Variants in PPP1R12B observed in about 807,000 individuals in gnomAD.
The protein encoded by PPP1R12B is protein phosphatase 1 regulatory subunit 12B, also known as myosin phosphatase target subunit 2.
Under a neutral mutation model 126.1 loss-of-function variants are expected in PPP1R12B, and 76 were observed. The observed-to-expected ratio is 0.60, with a 90% confidence interval of 0.50 to 0.73. The LOEUF (loss-of-function observed/expected upper bound fraction) is 0.73. Among genes scored for constraint, PPP1R12B ranks in the 30% least tolerant of loss-of-function variants. The probability of loss-of-function intolerance (pLI) is 0.00; values close to 1 mark genes in which losing one functional copy is unlikely to be tolerated. For synonymous variants in PPP1R12B, 356 were observed against 434.7 expected (o/e 0.82, Z 2.25); for missense variants, 1,052 against 1,205.1 (o/e 0.87, Z 1.88).
intron 18 of PPP1R12B, among the ~76,000 whole-genome samples, chr1:202,553,364 C>T (rs1343635472): frequency 6.6e-6 from 1 of 152,140 alleles, no homozygotes; most frequent in Non-Finnish European, 1.5e-5. Context: ...TAGAGAGTCT[C>T]ATTTTAGTGG....
chr1:202,486,790 G>A (rs1262674073), intron 13 of PPP1R12B, among the ~76,000 whole-genome samples: 2 of 152,184 alleles, frequency 1.3e-5, no homozygotes, highest in African/African-American at 2.4e-5. Context: ...CATGGGCAAC[G>A]AAGTAAGACT....
intron 13 of PPP1R12B, among the ~76,000 whole-genome samples, chr1:202,464,823 G>A (rs1674775034): frequency 6.6e-6 from 1 of 152,180 alleles, no homozygotes. Context: ...ACATGCCCAA[G>A]TGCTCTCATG....
chr1:202,500,206 T>A (rs1173548613), intron 18 of PPP1R12B, among the ~76,000 whole-genome samples: 1 of 145,048 alleles, frequency 6.9e-6, no homozygotes, highest in Non-Finnish European at 1.5e-5. Flanking sequence ...GCTCTCGCTG[T>A]CTCTCTCTCT....
chr1:202,384,657 A>G (rs1018121435), intron 1 of PPP1R12B, among the ~76,000 whole-genome samples: 1 of 152,254 alleles, frequency 6.6e-6, no homozygotes, highest in Non-Finnish European at 1.5e-5. Context: ...CTATGAATGT[A>G]TTAAAAACCA....
intron 2 of PPP1R12B, among the ~76,000 whole-genome samples, chr1:202,418,387 G>A (rs1021259666): frequency 2.0e-5 from 3 of 151,946 alleles, no homozygotes; most frequent in East Asian, 1.9e-4. Context: ...CTTTTCTAAG[G>A]AGAGCTCATG....
At chr1:202,558,846 T>C (rs777132720) in intron 18 of PPP1R12B, 31 bp from the exon 19 acceptor site, 1 of 1,421,108 alleles carries the variant, frequency 7.0e-7, no homozygotes, top group East Asian at 2.3e-5. Flanking sequence ...TTTTTTCTTT[T>C]TTTGTTTTTG....
intron 18 of PPP1R12B, among the ~76,000 whole-genome samples, chr1:202,517,527 T>A (rs983003100): frequency 2.0e-5 from 3 of 152,184 alleles, no homozygotes; most frequent in African/African-American, 7.2e-5. Flanking sequence ...ATTTAGATAG[T>A]GATTATTAGA....
chr1:202,506,439 T>C (rs1375785494), intron 18 of PPP1R12B, among the ~76,000 whole-genome samples: 2 of 152,224 alleles, frequency 1.3e-5, no homozygotes, highest in Non-Finnish European at 2.9e-5. Flanking sequence ...ATGTATTCCT[T>C]TGAGACCCTG....
intron 5 of PPP1R12B, 139 bp from the exon 6 acceptor site, chr1:202,428,716 T>C: frequency 5.9e-6 from 4 of 674,450 alleles, no homozygotes; most frequent in South Asian, 3.7e-5. Context: ...GTTATCATAA[T>C]GTATGGTAGA....
intron 4 of PPP1R12B, 98 bp from the exon 5 acceptor site, chr1:202,426,942 C>T: frequency 1.3e-6 from 2 of 1,502,040 alleles, no homozygotes; most frequent in Non-Finnish European, 8.9e-7. Flanking sequence ...CCCTGTGGTT[C>T]AGGGCCAAAA....
Position 202,373,008 on chromosome 1 carries a change from C to T in PPP1R12B, c.291+23866C>T, listed in dbSNP as rs117138197. Among the ~76,000 whole-genome samples, 32 of 151,910 alleles carry T rather than the reference C, an allele frequency of 2.1e-4. No individual in the cohort carries two copies. The East Asian group carries it at 5.8e-3, about 28-fold the overall frequency. On this transcript the variant is annotated intron_variant, in intron 1 of 23. Transcript: ENST00000608999. ...GGAGTACACTGGCACTATCTTGGCT[C>T]GCAGCAACCTTCGCCTCCCTGGTTC...
At chr1:202,530,905 G>A (rs1683865190) in intron 18 of PPP1R12B, among the ~76,000 whole-genome samples, 1 of 152,154 alleles carries the variant, frequency 6.6e-6, no homozygotes, top group Non-Finnish European at 1.5e-5. Flanking sequence ...ACTTTTCTCT[G>A]TTCTGCATTT....
intron 1 of PPP1R12B, among the ~76,000 whole-genome samples, chr1:202,365,803 C>A (rs1659108552): frequency 6.6e-6 from 1 of 151,558 alleles, no homozygotes; most frequent in Non-Finnish European, 1.5e-5. Flanking sequence ...TTAGCCTGGG[C>A]AACATAGCAA....
chr1:202,379,889 A>C (rs1661946296), intron 1 of PPP1R12B, among the ~76,000 whole-genome samples: 1 of 152,212 alleles, frequency 6.6e-6, no homozygotes, highest in South Asian at 2.1e-4. Flanking sequence ...TGGAAATTTC[A>C]ATTTAGTAGA....
At chr1:202,499,592 A>G (rs2148867840) in intron 18 of PPP1R12B, among the ~76,000 whole-genome samples, 1 of 152,348 alleles carries the variant, frequency 6.6e-6, no homozygotes, top group South Asian at 2.1e-4. Flanking sequence ...GGAAGCTTCA[A>G]CGGTTATTAT....
At chr1:202,449,280 CTT>C (rs879533473) in intron 13 of PPP1R12B, 109 bp downstream of exon 13, 3,087 of 1,121,952 alleles carry the variant, frequency 2.8e-3, no homozygotes, top group Middle Eastern at 5.9e-3. Context: ...GAAAATATGT[CTT>C]TTTTTTTTTT....
At chr1:202,390,153 A>G (rs762819025) in intron 1 of PPP1R12B, among the ~76,000 whole-genome samples, 1 of 152,222 alleles carries the variant, frequency 6.6e-6, no homozygotes, top group Non-Finnish European at 1.5e-5. Context: ...CAACTGATAT[A>G]TGACAAAGGT....
At chr1:202,476,904 C>T (rs538685600) in intron 13 of PPP1R12B, among the ~76,000 whole-genome samples, 2 of 152,078 alleles carry the variant, frequency 1.3e-5, no homozygotes, top group South Asian at 2.1e-4. Context: ...GAGAAAGCAG[C>T]GTTGTTCTCT....
chr1:202,554,829 T>A (rs1277084770), intron 18 of PPP1R12B, among the ~76,000 whole-genome samples: 3 of 151,584 alleles, frequency 2.0e-5, no homozygotes, highest in African/African-American at 2.4e-5. Flanking sequence ...CAAGCAGAAG[T>A]AAGAGCGTAG....
Sources: allele counts gnomAD v4.1 joint callset (sites outside exome capture counted in the v4.1 genomes callset), GRCh38; gene constraint gnomAD v4.1.1; transcripts MANE v1.5; gene names NCBI Gene and HGNC (gene_info 2026-07-23, HGNC 2026-07-21).